Variants in QTGAL observed in about 807,000 individuals in gnomAD.
QTGAL encodes the protein BGnT-like protein 1.
chr17:83,032,797 C>A, the QTGAL span, among the ~76,000 whole-genome samples: 1 of 152,212 alleles, frequency 6.6e-6, no homozygotes, highest in Non-Finnish European at 1.5e-5. Flanking sequence ...ACCCAGGCAC[C>A]AGGACAGGAG....
chr17:83,051,703 T>G, the QTGAL span: 310 of 1,462,760 alleles, frequency 2.1e-4, no homozygotes, highest in Non-Finnish European at 2.7e-4. Context: ...GGACCCAGCC[T>G]GCACGGCGGG....
the QTGAL span, among the ~76,000 whole-genome samples, chr17:83,050,820 G>A: frequency 1.3e-5 from 2 of 151,666 alleles, no homozygotes; most frequent in African/African-American, 2.4e-5. Flanking sequence ...AGGTGTGCAG[G>A]TAGGTGTGTG....
chr17:83,024,246 A>G, the QTGAL span, among the ~76,000 whole-genome samples: 60,647 of 151,138 alleles, frequency 0.4, 13,596 homozygotes, highest in African/African-American at 0.61. Flanking sequence ...GGTCCCGGCC[A>G]CAGCTCCTGG....
the QTGAL span, among the ~76,000 whole-genome samples, chr17:83,035,990 G>A: frequency 7.0e-6 from 1 of 143,092 alleles, no homozygotes; most frequent in East Asian, 2.0e-4. Flanking sequence ...CTCTTGGCGT[G>A]CATCTCTGTG....
the QTGAL span, among the ~76,000 whole-genome samples, chr17:82,968,356 C>G: frequency 6.6e-6 from 1 of 152,058 alleles, no homozygotes; most frequent in Admixed American, 6.5e-5. Context: ...AACAAACTGC[C>G]GGTCAGGGCA....
At chr17:82,959,766 G>A in the QTGAL span, among the ~76,000 whole-genome samples, 2 of 152,038 alleles carry the variant, frequency 1.3e-5, no homozygotes, top group East Asian at 1.9e-4. Flanking sequence ...CTCCTCGACG[G>A]CCCCTTGTCT....
At chr17:82,946,407 A>T in the QTGAL span, among the ~76,000 whole-genome samples, 1 of 152,236 alleles carries the variant, frequency 6.6e-6, no homozygotes, top group Non-Finnish European at 1.5e-5. Context: ...GAACTTTCCT[A>T]CATTTGTAAC....
At chr17:83,037,731 T>G in the QTGAL span, among the ~76,000 whole-genome samples, 1 of 152,324 alleles carries the variant, frequency 6.6e-6, no homozygotes, top group African/African-American at 2.4e-5. This position sits in a 1 kb window ranked among gnomAD's most constrained non-coding sequence, Gnocchi z 5.2. Flanking sequence ...TGCGGCTTGT[T>G]AGCGTCAGGT....
the QTGAL span, among the ~76,000 whole-genome samples, chr17:83,002,789 G>A: frequency 7.2e-5 from 11 of 152,204 alleles, no homozygotes; most frequent in Non-Finnish European, 1.6e-4. Flanking sequence ...CGTGCTGGGG[G>A]CACACGGGAC....
the QTGAL span, chr17:82,942,234 G>C: frequency 1.7e-6 from 1 of 605,114 alleles, no homozygotes; most frequent in South Asian, 2.1e-5. Flanking sequence ...CTCCCTTCCC[G>C]CTCCCCAGAT....
chr17:83,042,677 G>C, the QTGAL span, among the ~76,000 whole-genome samples: 1 of 148,710 alleles, frequency 6.7e-6, no homozygotes, highest in Non-Finnish European at 1.5e-5. Context: ...AGATAGCAAA[G>C]TGGCAAAAGT....
chr17:82,951,619 C>G, the QTGAL span, among the ~76,000 whole-genome samples: 1 of 152,198 alleles, frequency 6.6e-6, no homozygotes, highest in African/African-American at 2.4e-5. Context: ...AAAGCTGGGC[C>G]TCTCCTGCCA....
At chr17:83,021,425 AG>A in the QTGAL span, among the ~76,000 whole-genome samples, 3 of 137,112 alleles carry the variant, frequency 2.2e-5, no homozygotes, top group Non-Finnish European at 4.8e-5. Context: ...ACTTTTCAAT[AG>A]CACTGAAACC....
chr17:82,971,627 C>T, the QTGAL span, among the ~76,000 whole-genome samples: 1 of 144,228 alleles, frequency 6.9e-6, no homozygotes, highest in Non-Finnish European at 1.5e-5. Flanking sequence ...ACCACAGGGG[C>T]CAGAAGGACC....
the QTGAL span, among the ~76,000 whole-genome samples, chr17:82,967,428 T>C: frequency 6.6e-6 from 1 of 152,036 alleles, no homozygotes; most frequent in East Asian, 1.9e-4. Flanking sequence ...CTGCTTGTCG[T>C]CCATCCTGAG....
chr17:82,944,252 C>T, the QTGAL span: 3 of 142,324 alleles, frequency 2.1e-5, no homozygotes, highest in East Asian at 2.2e-4. Flanking sequence ...AAGTGGATCA[C>T]TCCACTGGCC....
At chr17:83,018,286 C>T in the QTGAL span, among the ~76,000 whole-genome samples, 7 of 151,674 alleles carry the variant, frequency 4.6e-5, no homozygotes, top group Non-Finnish European at 8.8e-5. Flanking sequence ...TCCACAAACA[C>T]GGTGCGCCTG....
chr17:83,041,245 A>G, the QTGAL span, among the ~76,000 whole-genome samples: 1 of 152,188 alleles, frequency 6.6e-6, no homozygotes, highest in Non-Finnish European at 1.5e-5. Context: ...TCTCAGAGAA[A>G]GCTGGAATAC....
chr17:82,966,474 A>C, the QTGAL span, among the ~76,000 whole-genome samples: 2 of 152,218 alleles, frequency 1.3e-5, no homozygotes, highest in African/African-American at 4.8e-5. Context: ...CTACAAAGCT[A>C]TGGTGATCAA....
Sources: gnomAD v4.1 joint callset for allele counts (sites outside exome capture counted in the v4.1 genomes callset) on GRCh38, gnomAD v4.1.1 for gene constraint, Gnocchi (gnomAD v3.1) non-coding constraint, MANE v1.5 for transcripts, NCBI Gene and HGNC (gene_info 2026-07-23, HGNC 2026-07-21) for gene names.